Variants in EIF2AK4 observed in about 807,000 individuals in gnomAD.
The protein encoded by EIF2AK4 is eukaryotic translation initiation factor 2 alpha kinase 4.
Under a neutral mutation model 211.1 loss-of-function variants are expected in EIF2AK4, and 139 were observed. The ratio of observed to expected loss-of-function variants is 0.66; its 90% CI spans 0.57 to 0.76. EIF2AK4 has a LOEUF of 0.76. Ranked by LOEUF, EIF2AK4 falls within the 30% of genes least tolerant of loss-of-function variation. The pLI is 0.00. For synonymous variants in EIF2AK4, 710 were observed against 751.3 expected, an observed-to-expected ratio of 0.94 and a Z score of 0.90; for missense variants, 1,664 against 2,043.8, an observed-to-expected ratio of 0.81 and a Z score of 3.58.
At chr15:39,952,635 T>C (rs548636649) in intron 4 of EIF2AK4, among the ~76,000 whole-genome samples, 14 of 152,270 alleles carry the variant, frequency 9.2e-5, no homozygotes, top group East Asian at 5.8e-4. Flanking sequence ...CCTACAGATA[T>C]TACTATTTCT....
At chr15:39,978,421 G>A (rs997370003) in intron 13 of EIF2AK4, 1 of 199,988 alleles carries the variant, frequency 5.0e-6, no homozygotes, top group Non-Finnish European at 1.0e-5. Context: ...TTTTCTAAGG[G>A]TTTGGGAAAC....
At chr15:39,943,543 A>C (rs1204397240) in intron 3 of EIF2AK4, 58 bp downstream of exon 3, 2 of 1,364,458 alleles carry the variant, frequency 1.5e-6, no homozygotes, top group African/African-American at 1.5e-5. Flanking sequence ...TTACACCTCA[A>C]ATCCAATTTT....
At chr15:39,987,378 C>T (rs1180951942) in intron 14 of EIF2AK4, among the ~76,000 whole-genome samples, 3 of 152,184 alleles carry the variant, frequency 2.0e-5, no homozygotes, top group Non-Finnish European at 4.4e-5. Flanking sequence ...TGAGAAATCT[C>T]AACTCTGGCA....
At chr15:39,970,877 T>C (rs889817346) in intron 9 of EIF2AK4, among the ~76,000 whole-genome samples, 1 of 152,222 alleles carries the variant, frequency 6.6e-6, no homozygotes, top group Non-Finnish European at 1.5e-5. Flanking sequence ...CAAATGGTTT[T>C]ATTAGAATTT....
At position 40,024,403 on chromosome 15, in the gene EIF2AK4, CTTTTTTTTTT is replaced by C. The variant is rs554877205; in HGVS notation, c.4390-1560_4390-1551del. 1.1e-4 allele frequency among the ~76,000 whole-genome samples: 10 copies of C among 90,746 alleles called. No individual in the cohort carries two copies. The Admixed American group carries it at 1.1e-3, about 10-fold the overall frequency. 59.5% of individuals were successfully genotyped at this position (90,746 alleles called of 152,430 possible). On this transcript the variant is annotated intron_variant, in intron 32 of 38. Coordinates refer to ENST00000263791, the MANE Select transcript of EIF2AK4 (RefSeq NM_001013703.4). ...TACACAGTCACTAGGTTGAGTTTTC[CTTTTTTTTTT>C]TTTTTTTTTTTTTGAGATGGATTCT...
At chr15:40,015,779 A>T (rs897492510) in intron 27 of EIF2AK4, among the ~76,000 whole-genome samples, 2 of 152,256 alleles carry the variant, frequency 1.3e-5, no homozygotes, top group Non-Finnish European at 2.9e-5. Flanking sequence ...ACTTGCCTAC[A>T]GTCTTAAAAT....
In EIF2AK4 at chr15:40,035,092, G is replaced by C. The variant is rs775724026; in HGVS notation, c.*8G>C. On this transcript the variant is annotated 3_prime_UTR_variant, in exon 39 of 39. Coordinates refer to ENST00000263791, the MANE Select transcript of EIF2AK4 (RefSeq NM_001013703.4). ...TACAGAATCTTATTTTAACCCTAAA[G>C]AACTGTCGTTAACCTCATTCAAACA... The C allele has an allele frequency of 1.3e-6, 2 of 1,564,216 alleles. No individual in the cohort carries two copies. Among genetic ancestry groups the C allele is most frequent in the Non-Finnish European group, 1.7e-6 (2 of 1,151,540 alleles).
chr15:40,032,045 C>A, intron 35 of EIF2AK4, 124 bp from the exon 36 acceptor site: 1 of 865,042 alleles, frequency 1.2e-6, no homozygotes, highest in Non-Finnish European at 1.9e-6. Context: ...CCTTTAGACA[C>A]CATTTGGAAT....
Position 40,026,031 on chromosome 15 carries a change from C to A in EIF2AK4, c.4444C>A (p.Leu1482Ile). ...AGAGAAGCGTGTGCTGGAGACTGAA[C>A]TTGTGGACCATGTACTGCAGAAACT... Reference protein sequence around the residue: ...QTEKRVLETELVDHVLQKLRT... With the variant: ...QTEKRVLETEIVDHVLQKLRT... Residue 1482 changes from leucine (L) to isoleucine (I), a missense_variant, in exon 33 of 39, where the codon CTT becomes ATT. Physicochemically the swap from Leu to Ile is conservative, Grantham distance 5. Around this residue, in one of 7 missense-constraint regions of EIF2AK4, gnomAD observed 16 missense variants for 47.0 expected, o/e 0.34. Coordinates refer to ENST00000263791, the MANE Select transcript of EIF2AK4 (RefSeq NM_001013703.4). The A allele has an allele frequency of 6.2e-7, 1 of 1,614,152 alleles. No homozygotes were observed. The highest frequency in any genetic ancestry group is 2.2e-5 in the East Asian group (1 of 44,882).
chr15:40,019,096 C>T lies in EIF2AK4; in HGVS notation c.4069C>T (p.Pro1357Ser). 2 of 1,602,646 alleles carry T rather than the reference C, an allele frequency of 1.2e-6. No individual in the cohort carries two copies. Among genetic ancestry groups the T allele is most frequent in the Non-Finnish European group, 1.7e-6 (2 of 1,173,848 alleles). Residue 1357 changes from proline (P) to serine (S), a missense_variant, in exon 30 of 39, where the codon CCC becomes TCC. By Grantham distance (74) the Pro-to-Ser change is moderately conservative. This residue lies in a region of EIF2AK4 where 622 missense variants were observed against 796.8 expected (regional missense o/e 0.78). Transcript: ENST00000263791. ...AAGGRYDLLI[P>S]QFRGPQALGP... ...AACTGTTTGTGTCTCTCCACAGATT[C>T]CCCAGTTTAGAGGGCCACAAGCTCT...
intron 9 of EIF2AK4, among the ~76,000 whole-genome samples, chr15:39,970,649 C>A (rs1429968038): frequency 6.6e-6 from 1 of 151,914 alleles, no homozygotes; most frequent in Admixed American, 6.6e-5. Context: ...AAAAACAATA[C>A]TATTTTGTTT....
At chr15:39,996,429 G>A (rs537944591) in intron 18 of EIF2AK4, among the ~76,000 whole-genome samples, 5 of 152,308 alleles carry the variant, frequency 3.3e-5, no homozygotes, top group African/African-American at 9.6e-5. Flanking sequence ...GGAAGGCCAG[G>A]CGTGTTGGCT....
At chr15:39,956,054 G>A (rs887231333) in intron 6 of EIF2AK4, among the ~76,000 whole-genome samples, 1 of 137,096 alleles carries the variant, frequency 7.3e-6, no homozygotes, top group African/African-American at 2.8e-5. Flanking sequence ...CACCCAGGCT[G>A]CAGTGCAATG....
rs1449502412 is a variant in EIF2AK4 at position 40,026,939 on chromosome 15, G to A, written c.4502+850G>A. On this transcript the variant is annotated intron_variant, in intron 33 of 38. Transcript: ENST00000263791. ...CTATCAAGGCTCATTTATAACAGCA[G>A]TTCTCAAACTTTTTGGTCTTAGAAC... Among the ~76,000 whole-genome samples, 6 of 152,246 alleles carry A rather than the reference G, an allele frequency of 3.9e-5. No homozygotes were observed. In the South Asian group the frequency reaches 1.2e-3, roughly 32 times the overall value.
chr15:39,976,206 A>C (rs563093092), intron 11 of EIF2AK4, among the ~76,000 whole-genome samples: 3 of 152,360 alleles, frequency 2.0e-5, no homozygotes, highest in African/African-American at 7.2e-5. Flanking sequence ...CAGCAAGCTA[A>C]ATATATCTAG....
chr15:39,949,644 T>A (rs1689607), intron 4 of EIF2AK4, among the ~76,000 whole-genome samples: 103,309 of 152,024 alleles, frequency 0.68, 36,137 homozygotes, highest in East Asian at 0.99. Context: ...CAGAGAATAA[T>A]TTTTTTATTC....
At chr15:40,033,400 A>T (rs1182466201) in intron 37 of EIF2AK4, among the ~76,000 whole-genome samples, 7 of 152,282 alleles carry the variant, frequency 4.6e-5, no homozygotes, top group South Asian at 2.1e-4. Flanking sequence ...ATATATATAT[A>T]TTTTTACAGG....
intron 26 of EIF2AK4, 84 bp from the exon 27 acceptor site, chr15:40,011,197 A>G (rs894261268): frequency 1.8e-6 from 2 of 1,108,078 alleles, no homozygotes; most frequent in Non-Finnish European, 2.7e-6. Flanking sequence ...TGAAGGCTAT[A>G]CTTGTTAGAA....
At chr15:40,009,508 T>C (rs1052805672) in intron 25 of EIF2AK4, 106 bp from the exon 26 acceptor site, 11 of 665,890 alleles carry the variant, frequency 1.7e-5, no homozygotes, top group African/African-American at 1.6e-4. Context: ...CTAAATTCAA[T>C]CCTTCCATTG....
Sources: allele counts gnomAD v4.1 joint callset (sites outside exome capture counted in the v4.1 genomes callset), GRCh38; gene constraint gnomAD v4.1.1; regional missense constraint gnomAD v4.1.1; transcripts MANE v1.5; gene names NCBI Gene and HGNC (gene_info 2026-07-23, HGNC 2026-07-21).